The following CHL1 variants were observed in gnomAD, a reference collection of about 807,000 sequenced individuals.
CHL1 encodes cell adhesion molecule L1 like.
CHL1 carries 96 observed loss-of-function variants against 141.9 expected under a neutral mutation model. The observed-to-expected ratio is 0.68, with a 90% CI of 0.57 to 0.80. CHL1 has a LOEUF of 0.80. Ranked by LOEUF, CHL1 falls within the 30% of genes least tolerant of loss-of-function variation. CHL1 has a pLI of 0.00. For missense variants in CHL1, 1,820 were observed against 1,457.2 expected (o/e 1.25, Z -4.05); for synonymous variants, 613 against 502.2 (o/e 1.22, Z -2.95).
At chr3:386,932 A>T (rs1276800767) in intron 19 of CHL1, among the ~76,000 whole-genome samples, 3 of 152,222 alleles carry the variant, frequency 2.0e-5, no homozygotes, top group African/African-American at 7.2e-5. Context: ...ATGAAGTAAC[A>T]TATATTTTGA....
At chr3:355,916 T>C (rs1278465633) in intron 11 of CHL1, among the ~76,000 whole-genome samples, 1 of 152,164 alleles carries the variant, frequency 6.6e-6, no homozygotes, top group Non-Finnish European at 1.5e-5. Context: ...ACTGACCCTC[T>C]TCAAACCCAT....
chr3:369,654 G>A (rs191951372), intron 15 of CHL1, among the ~76,000 whole-genome samples: 1,738 of 152,334 alleles, frequency 0.011, 19 homozygotes, highest in Non-Finnish European at 0.018. Flanking sequence ...AGTGGTGAGA[G>A]AGGGCATCCT....
At chr3:367,320 A>G (rs534329394) in intron 15 of CHL1, among the ~76,000 whole-genome samples, 1 of 152,358 alleles carries the variant, frequency 6.6e-6, no homozygotes, top group African/African-American at 2.4e-5. Flanking sequence ...TAGATAGGAC[A>G]TGTGCTGCTT....
intron 5 of CHL1, among the ~76,000 whole-genome samples, chr3:333,122 C>CTTTTTTTTTTTTTTTTTTT (rs1383301108): frequency 2.8e-4 from 4 of 14,306 alleles, no homozygotes; most frequent in Admixed American, 1.1e-3. Context: ...GATAATTGCT[C>CTTTTTTTTTTTTTTTTTTT]TATTTTTTTT....
At chr3:252,365 T>TAG (rs1693774957) in intron 2 of CHL1, among the ~76,000 whole-genome samples, 1 of 108,698 alleles carries the variant, frequency 9.2e-6, no homozygotes, top group Non-Finnish European at 2.0e-5. Flanking sequence ...CATCCAGATA[T>TAG]ATATATATAT....
At chr3:399,533 G>A (rs543013277) in intron 26 of CHL1, among the ~76,000 whole-genome samples, 24 of 152,172 alleles carry the variant, frequency 1.6e-4, no homozygotes, top group Non-Finnish European at 3.1e-4. Context: ...CCAGCTACTC[G>A]GAAGGCTGAG....
At chr3:298,629 G>C (rs17354487) in intron 2 of CHL1, among the ~76,000 whole-genome samples, 7,862 of 152,242 alleles carry the variant, frequency 0.052, 275 homozygotes, top group Non-Finnish European at 0.076. Context: ...CCATTAACTT[G>C]CTTGCCAGGA....
chr3:388,550 G>GAAAA (rs11319131), intron 19 of CHL1, among the ~76,000 whole-genome samples: 4 of 138,604 alleles, frequency 2.9e-5, no homozygotes, highest in Admixed American at 7.3e-5. Context: ...TCCGTCTCAA[G>GAAAA]AAAAAAAAAA....
At chr3:321,065 CTGAA>C (rs1459729869) in intron 3 of CHL1, among the ~76,000 whole-genome samples, 4 of 152,094 alleles carry the variant, frequency 2.6e-5, no homozygotes, top group African/African-American at 9.6e-5. Flanking sequence ...CTCAGACAGA[CTGAA>C]TGTCAATAGA....
rs1392167483 is a variant in CHL1 at position 365,980 on chromosome 3, A to G, written c.1616A>G (p.Asn539Ser). 2 of 1,613,458 alleles carry G rather than the reference A, an allele frequency of 1.2e-6. No homozygotes were observed. Among genetic ancestry groups the G allele is most frequent in the African/African-American group, 2.7e-5 (2 of 74,902 alleles). ...NATKLRVSPK[N>S]PRIPKLHMLE... The stretch of plus-strand genomic sequence containing the variant: ...ACAAAACTTAGAGTTTCTCCTAAGA[A>G]TCCTCGTATCCCCAAATTGCATATG... Residue 539 changes from asparagine to serine, a missense_variant, in exon 15 of 28, where the codon AAT (asparagine) becomes AGT (serine). By Grantham distance (46) the Asn-to-Ser change is conservative. Transcript: ENST00000256509.
intron 7 of CHL1, among the ~76,000 whole-genome samples, chr3:342,304 G>A (rs1468689884): frequency 6.6e-6 from 1 of 152,140 alleles, no homozygotes; most frequent in African/African-American, 2.4e-5. Flanking sequence ...CAGGACAAAT[G>A]TATTTCATCT....
intron 15 of CHL1, among the ~76,000 whole-genome samples, chr3:371,336 A>G (rs1487042170): frequency 6.6e-6 from 1 of 152,072 alleles, no homozygotes; most frequent in Non-Finnish European, 1.5e-5. Flanking sequence ...TTCTGGTTGA[A>G]TTGTTCCCTT....
At chr3:300,982 A>G (rs1358358832) in intron 2 of CHL1, among the ~76,000 whole-genome samples, 1 of 152,164 alleles carries the variant, frequency 6.6e-6, no homozygotes, top group Non-Finnish European at 1.5e-5. Flanking sequence ...AGGAGGGGGA[A>G]GAGAGATGAG....
intron 1 of CHL1, among the ~76,000 whole-genome samples, chr3:219,523 A>G (rs1402837706): frequency 6.6e-6 from 1 of 152,154 alleles, no homozygotes; most frequent in Non-Finnish European, 1.5e-5. Flanking sequence ...AAAGAATGAG[A>G]TCATGTCCTT....
chr3:225,054 A>T (rs1701192236), intron 1 of CHL1, among the ~76,000 whole-genome samples: 1 of 152,098 alleles, frequency 6.6e-6, no homozygotes, highest in South Asian at 2.1e-4. Flanking sequence ...AGAACACTTG[A>T]ACTCAGGAGG....
chr3:324,048 T>C (rs1053973316), intron 3 of CHL1, among the ~76,000 whole-genome samples: 7 of 152,266 alleles, frequency 4.6e-5, no homozygotes, highest in African/African-American at 1.7e-4. Flanking sequence ...TTTATTCCTG[T>C]TATAGTAAAT....
chr3:313,592 T>C (rs1178542382), intron 2 of CHL1, among the ~76,000 whole-genome samples: 3 of 152,208 alleles, frequency 2.0e-5, no homozygotes, highest in Non-Finnish European at 4.4e-5. Context: ...GAAATGATTA[T>C]TATTCAGAGT....
At chr3:351,266 A>C (rs1315349342) in intron 10 of CHL1, among the ~76,000 whole-genome samples, 1 of 152,256 alleles carries the variant, frequency 6.6e-6, no homozygotes, top group East Asian at 1.9e-4. Flanking sequence ...TTTCCTGAAC[A>C]AATTGTTCTC....
At chr3:324,390 A>G (rs767223908) in intron 3 of CHL1, among the ~76,000 whole-genome samples, 66 of 152,062 alleles carry the variant, frequency 4.3e-4, no homozygotes, top group Admixed American at 8.5e-4. Context: ...TCTTTTTATT[A>G]GAGATTCTAA....
Sources: allele counts gnomAD v4.1 joint callset (sites outside exome capture counted in the v4.1 genomes callset), GRCh38; gene constraint gnomAD v4.1.1; transcripts MANE v1.5; gene names NCBI Gene and HGNC (gene_info 2026-07-23, HGNC 2026-07-21).